The following GRIN2A variants were observed in gnomAD, a reference collection of about 807,000 sequenced individuals.
GRIN2A encodes glutamate ionotropic receptor NMDA type subunit 2A.
Under a neutral mutation model 113.4 loss-of-function variants are expected in GRIN2A, and 22 were observed. The ratio of observed to expected loss-of-function variants is 0.19; its 90% confidence interval spans 0.14 to 0.28. GRIN2A has a LOEUF of 0.28. Among genes scored for constraint, GRIN2A ranks in the 10% least tolerant of loss-of-function variants. GRIN2A has a pLI of 1.00. For synonymous variants in GRIN2A, 827 were observed against 738.4 expected, an observed-to-expected ratio of 1.12 and a Z score of -1.94; for missense variants, 1,502 against 1,887.0, an observed-to-expected ratio of 0.80 and a Z score of 3.78.
At chr16:10,177,409 G>A (rs1376646307) in intron 2 of GRIN2A, among the ~76,000 whole-genome samples, 1 of 152,066 alleles carries the variant, frequency 6.6e-6, no homozygotes, top group Non-Finnish European at 1.5e-5. Flanking sequence ...TCTCCCTACA[G>A]TTCCACCAGA....
At chr16:9,813,653 T>A (rs928528457) in intron 10 of GRIN2A, among the ~76,000 whole-genome samples, 7 of 151,726 alleles carry the variant, frequency 4.6e-5, no homozygotes, top group African/African-American at 1.5e-4. Flanking sequence ...TAACGTTGTT[T>A]TAATAGAGCT....
Position 9,793,565 on chromosome 16 carries a change from A to T in GRIN2A, c.2356+4712T>A, listed in dbSNP as rs534874088. ...AGCAGAATCGAGGTACTCAATAAAG[A>T]GTTGCTGGTTGCTGGATGAATAAAT... On this transcript the variant is annotated intron_variant, in intron 11 of 12. Coordinates refer to ENST00000330684, the MANE Select transcript of GRIN2A (RefSeq NM_001134407.3). Among the ~76,000 whole-genome samples the T allele has an allele frequency of 4.6e-5, 7 of 152,232 alleles. 1 individual carries two copies. In the South Asian group the frequency reaches 1.5e-3, roughly 32 times the overall value.
chr16:9,784,825 A>C (rs894299030), intron 11 of GRIN2A, among the ~76,000 whole-genome samples: 45 of 127,730 alleles, frequency 3.5e-4, no homozygotes, highest in Non-Finnish European at 5.8e-4. Flanking sequence ...ATGCAGTCAA[A>C]AGATACATGA....
intron 2 of GRIN2A, among the ~76,000 whole-genome samples, chr16:10,146,439 G>A (rs1309771177): frequency 6.6e-6 from 1 of 152,060 alleles, no homozygotes; most frequent in Non-Finnish European, 1.5e-5. Context: ...CCCTAAAGGT[G>A]GAGGTCATGT....
chr16:9,771,479 GT>G (rs1353319466), intron 11 of GRIN2A, among the ~76,000 whole-genome samples: 1 of 151,450 alleles, frequency 6.6e-6, no homozygotes, highest in Non-Finnish European at 1.5e-5. Flanking sequence ...TATATAGTTT[GT>G]TATATAAAGT....
chr16:9,850,152 T>A, intron 4 of GRIN2A, among the ~76,000 whole-genome samples, 191 bp from the exon 5 acceptor site: 1 of 152,148 alleles, frequency 6.6e-6, no homozygotes, highest in Non-Finnish European at 1.5e-5. Context: ...CAGTTCTCCA[T>A]CCCAGCCGCC....
intron 2 of GRIN2A, among the ~76,000 whole-genome samples, chr16:9,997,808 T>G (rs1176941332): frequency 6.6e-6 from 1 of 152,198 alleles, no homozygotes; most frequent in African/African-American, 2.4e-5. Context: ...CTGATGGTTT[T>G]ATAAAGGGCA....
chr16:9,850,624 G>C (rs756729834), intron 4 of GRIN2A, among the ~76,000 whole-genome samples: 7 of 152,154 alleles, frequency 4.6e-5, no homozygotes, highest in Non-Finnish European at 1.0e-4. Flanking sequence ...AGACAACACA[G>C]AGAAGAGATG....
chr16:9,863,412 T>G (rs1385750531), intron 4 of GRIN2A, among the ~76,000 whole-genome samples: 2 of 152,144 alleles, frequency 1.3e-5, no homozygotes, highest in Middle Eastern at 3.2e-3. Context: ...CTTTTACTCA[T>G]GACAGTTTTA....
At chr16:10,076,989 T>C (rs1281061911) in intron 2 of GRIN2A, among the ~76,000 whole-genome samples, 2 of 152,174 alleles carry the variant, frequency 1.3e-5, no homozygotes, top group Non-Finnish European at 2.9e-5. Flanking sequence ...GGGGCCAATA[T>C]CATCACCAGG....
chr16:9,943,959 T>C (rs1370271415), intron 2 of GRIN2A, among the ~76,000 whole-genome samples: 1 of 152,152 alleles, frequency 6.6e-6, no homozygotes, highest in African/African-American at 2.4e-5. Context: ...CAAGTTAGTA[T>C]CTTTAAAGCC....
At chr16:9,820,765 G>A (rs1428685919) in intron 10 of GRIN2A, among the ~76,000 whole-genome samples, 2 of 152,190 alleles carry the variant, frequency 1.3e-5, no homozygotes, top group Non-Finnish European at 1.5e-5. Context: ...CGGGGTTCCA[G>A]GGAGTGATGA....
chr16:9,980,749 A>G (rs1325401935), intron 2 of GRIN2A, among the ~76,000 whole-genome samples: 1 of 150,882 alleles, frequency 6.6e-6, no homozygotes, highest in Non-Finnish European at 1.5e-5. Context: ...CAAAAGGCCA[A>G]ACACCACATG....
rs1484918104 is a variant in GRIN2A, at chr16:9,758,873, T to A, written c.*4276A>T. Reference sequence around the variant, plus strand: ...TGGAAAGGTCTAATTTTGTCTCCAGTGAAAATAAACAGTACTTTTGGAAGG... The same window carrying A: ...TGGAAAGGTCTAATTTTGTCTCCAGAGAAAATAAACAGTACTTTTGGAAGG... On this transcript the variant is annotated 3_prime_UTR_variant, in exon 13 of 13. Coordinates refer to ENST00000330684, the MANE Select transcript of GRIN2A (RefSeq NM_001134407.3). The A allele has an allele frequency of 4.6e-6, 1 of 218,348 alleles. No homozygotes were observed. The highest frequency in any genetic ancestry group is 6.7e-5 in the East Asian group (1 of 14,888). The allele number at this position is 218,348 out of a possible 1,614,324, so 13.5% of individuals were successfully genotyped here. A position where few individuals can be genotyped will look rare whatever the true frequency, so the allele number is the denominator to read the frequency against.
intron 2 of GRIN2A, among the ~76,000 whole-genome samples, chr16:10,064,232 C>G (rs1298930714): frequency 6.6e-6 from 1 of 152,114 alleles, no homozygotes; most frequent in Non-Finnish European, 1.5e-5. Flanking sequence ...CAAACAACCC[C>G]CAAAACTAGC....
intron 11 of GRIN2A, among the ~76,000 whole-genome samples, chr16:9,796,860 T>G (rs2267790): frequency 0.29 from 44,381 of 152,134 alleles, 6,534 homozygotes; most frequent in Non-Finnish European, 0.32. Context: ...AGCAAAAAGC[T>G]GACCAACACA....
At chr16:10,159,527 C>T (rs987606742) in intron 2 of GRIN2A, among the ~76,000 whole-genome samples, 1 of 151,560 alleles carries the variant, frequency 6.6e-6, no homozygotes, top group Non-Finnish European at 1.5e-5. Context: ...GGTGTAGGTC[C>T]CCCAAGCATG....
At chr16:10,055,046 T>TAAA (rs1567266287) in intron 2 of GRIN2A, among the ~76,000 whole-genome samples, 1 of 12,492 alleles carries the variant, frequency 8.0e-5, no homozygotes, top group Non-Finnish European at 1.3e-4. Flanking sequence ...AGACTCTATC[T>TAAA]CAAAAAAAAA....
At chr16:10,094,528 C>G (rs1160170003) in intron 2 of GRIN2A, among the ~76,000 whole-genome samples, 1 of 152,050 alleles carries the variant, frequency 6.6e-6, no homozygotes, top group Admixed American at 6.5e-5. Flanking sequence ...CAGCTCACTG[C>G]AACCTCCACC....
Sources: gnomAD v4.1 joint callset for allele counts (sites outside exome capture counted in the v4.1 genomes callset) on GRCh38, gnomAD v4.1.1 for gene constraint, MANE v1.5 for transcripts, NCBI Gene and HGNC (gene_info 2026-07-23, HGNC 2026-07-21) for gene names.